RIC8B: variants seen among roughly 807,000 people sequenced by gnomAD.
The protein encoded by RIC8B is chaperone Ric-8B.
Under a neutral mutation model 57.5 loss-of-function variants are expected in RIC8B, and 16 were observed. The ratio of observed to expected loss-of-function variants is 0.28; its 90% CI spans 0.19 to 0.42. The LOEUF is 0.42. Among genes scored for constraint, RIC8B ranks in the 10% least tolerant of loss-of-function variants. The probability of loss-of-function intolerance (pLI) is 1.00; values close to 1 mark genes in which losing one functional copy is unlikely to be tolerated. For missense variants in RIC8B, 481 were observed against 677.0 expected, an observed-to-expected ratio of 0.71 and a Z score of 3.21; for synonymous variants, 216 against 250.8, an observed-to-expected ratio of 0.86 and a Z score of 1.31.
Position 106,879,910 on chromosome 12 carries a change from GTCT to G in RIC8B, c.1572-5992_1572-5990del, listed in dbSNP as rs1318974082. ...CACTGTACTTTTTGATACGAGGGCA[GTCT>G]TAACTTGTGTTAAGGCCTGTGTGTA... On this transcript the variant is annotated intron_variant, in intron 9 of 9. Coordinates refer to ENST00000392837, the MANE Select transcript of RIC8B (RefSeq NM_001330145.2). The surrounding 1 kb of genome is among the most constrained non-coding windows in gnomAD (Gnocchi z 4.9). 5.0e-5 allele frequency: 49 copies of G among 985,312 alleles called. No homozygotes were observed. Among genetic ancestry groups the G allele is most frequent in the Non-Finnish European group, 1.2e-5 (10 of 829,936 alleles). 61.0% of individuals were successfully genotyped at this position (985,312 alleles called of 1,614,324 possible). A position where few individuals can be genotyped will look rare whatever the true frequency, so the allele number is the denominator to read the frequency against.
intron 6 of RIC8B, among the ~76,000 whole-genome samples, chr12:106,845,112 A>G (rs1949126732): frequency 6.6e-6 from 1 of 152,098 alleles, no homozygotes. Flanking sequence ...CTTTCCATAC[A>G]TCTCTAACTA....
At chr12:106,850,863 T>C (rs1171347264) in intron 6 of RIC8B, among the ~76,000 whole-genome samples, 1 of 152,152 alleles carries the variant, frequency 6.6e-6, no homozygotes, top group African/African-American at 2.4e-5. Flanking sequence ...ACCAACATGA[T>C]GCTCAAAGGA....
chr12:106,790,682 A>G (rs1265919549), intron 2 of RIC8B, among the ~76,000 whole-genome samples: 1 of 152,256 alleles, frequency 6.6e-6, no homozygotes, highest in Non-Finnish European at 1.5e-5. Flanking sequence ...CAAAACCAAT[A>G]AAGAGTACTA....
In RIC8B at chr12:106,845,297, C is replaced by G. The variant is rs1168713788; in HGVS notation, c.1161+1350C>G. Among the ~76,000 whole-genome samples, 3 of 150,936 alleles carry G rather than the reference C, an allele frequency of 2.0e-5. No homozygotes were observed. In the East Asian group the frequency reaches 5.8e-4, roughly 29 times the overall value. On this transcript the variant is annotated intron_variant, in intron 6 of 9. Transcript: ENST00000392837. Reference sequence around the variant, plus strand: ...TAAGACCACCAGCCCCAACCGGTTCCTTAGCAAACTCCAAGATGACTATTT... The same window carrying G: ...TAAGACCACCAGCCCCAACCGGTTCGTTAGCAAACTCCAAGATGACTATTT...
chr12:106,785,476 A>G (rs1261477465), intron 2 of RIC8B, among the ~76,000 whole-genome samples: 1 of 152,190 alleles, frequency 6.6e-6, no homozygotes. Flanking sequence ...TTAATTATAT[A>G]TCTGTTGATG....
intron 4 of RIC8B, among the ~76,000 whole-genome samples, chr12:106,838,883 C>T (rs986793372): frequency 3.3e-5 from 5 of 150,126 alleles, no homozygotes; most frequent in Non-Finnish European, 5.9e-5. Context: ...ATTTAACCAA[C>T]GAAGACATGC....
At chr12:106,803,214 TCAAAAAAA>T (rs1461928004) in intron 2 of RIC8B, among the ~76,000 whole-genome samples, 2 of 84,276 alleles carry the variant, frequency 2.4e-5, no homozygotes, top group African/African-American at 1.0e-4. Context: ...ATACCCTGTC[TCAAAAAAA>T]AAAAAAAAAA....
chr12:106,786,141 ATTTTT>A (rs893618675), intron 2 of RIC8B, among the ~76,000 whole-genome samples: 1 of 73,884 alleles, frequency 1.4e-5, no homozygotes, highest in Non-Finnish European at 2.6e-5. Flanking sequence ...CCCAAGGTGT[ATTTTT>A]TTTTTTTTTT....
At chr12:106,863,720 C>A (rs897077520) in intron 8 of RIC8B, among the ~76,000 whole-genome samples, 2 of 151,962 alleles carry the variant, frequency 1.3e-5, no homozygotes, top group African/African-American at 4.8e-5. Context: ...ATTCAGAGTT[C>A]TAAAAGACCA....
intron 2 of RIC8B, among the ~76,000 whole-genome samples, chr12:106,791,589 AC>A (rs2044262147): frequency 6.6e-6 from 1 of 152,184 alleles, no homozygotes; most frequent in South Asian, 2.1e-4. Flanking sequence ...CATTTCAAAT[AC>A]TTTTTTCTTT....
chr12:106,882,848 G>A (rs1214537960), intron 9 of RIC8B, among the ~76,000 whole-genome samples: 1 of 152,018 alleles, frequency 6.6e-6, no homozygotes, highest in African/African-American at 2.4e-5. Flanking sequence ...TTGATACAAA[G>A]CACCCAGAAA....
intron 2 of RIC8B, among the ~76,000 whole-genome samples, chr12:106,788,107 A>G (rs2044114145): frequency 6.6e-6 from 1 of 152,212 alleles, no homozygotes; most frequent in African/African-American, 2.4e-5. Flanking sequence ...AAATTGACCA[A>G]AACAAAGGGG....
intron 9 of RIC8B, among the ~76,000 whole-genome samples, chr12:106,884,479 T>TA (rs1445970211): frequency 6.6e-6 from 1 of 152,146 alleles, no homozygotes; most frequent in Non-Finnish European, 1.5e-5. Context: ...TAAGTGACCT[T>TA]GGATGAGTCA....
chr12:106,864,266 G>A (rs903364760), intron 8 of RIC8B, among the ~76,000 whole-genome samples: 17 of 152,028 alleles, frequency 1.1e-4, no homozygotes, highest in Non-Finnish European at 1.8e-4. Context: ...GGTTTTTTTA[G>A]TTAATGAAGA....
rs368706746 is a variant in RIC8B at position 106,860,284 on chromosome 12, A to G, written c.1323A>G (p.Lys441=). 5.6e-6 allele frequency: 9 copies of G among 1,593,726 alleles called. No individual in the cohort carries two copies. The highest frequency in any genetic ancestry group is 4.1e-5 in the African/African-American group (3 of 73,488). ...TTTTTGCAGTGGATAGTCTGCTGAA[A>G]TACACTGGCTATGGGAATGCTGCAG... The part of the protein sequence containing the change: ...LCKERVDSLL[K]YTGYGNAAGL... The change falls in exon 8 of 10, where the codon AAA becomes AAG. Residue 441 remains lysine (K), a synonymous_variant. Coordinates refer to ENST00000392837, the MANE Select transcript of RIC8B (RefSeq NM_001330145.2).
intron 1 of RIC8B, among the ~76,000 whole-genome samples, chr12:106,782,090 C>G (rs1200854613): frequency 6.6e-6 from 1 of 151,866 alleles, no homozygotes; most frequent in Non-Finnish European, 1.5e-5. Context: ...AACAATGAGT[C>G]TTCTTTTTAA....
rs1460354635 is a variant in RIC8B at position 106,784,081 on chromosome 12, G to A, written c.132+37G>A. 4 of 1,565,416 alleles carry A rather than the reference G, an allele frequency of 2.6e-6. No homozygotes were observed. The South Asian group carries it at 4.5e-5, about 18-fold the overall frequency. On this transcript the variant is annotated intron_variant, in intron 2 of 9. Transcript: ENST00000392837. Reference sequence around the variant, plus strand: ...TGTTGCTCTGTGAATGTTTATGTGTGTGTGTATTGCATTCATGGACTTTCT... The same window carrying A: ...TGTTGCTCTGTGAATGTTTATGTGTATGTGTATTGCATTCATGGACTTTCT...
At chr12:106,862,735 G>A (rs1213929911) in intron 8 of RIC8B, among the ~76,000 whole-genome samples, 1 of 152,094 alleles carries the variant, frequency 6.6e-6, no homozygotes, top group Non-Finnish European at 1.5e-5. Flanking sequence ...ACTTTAAGTG[G>A]ATTCTGATTA....
At chr12:106,852,550 G>A (rs1352778820) in intron 7 of RIC8B, among the ~76,000 whole-genome samples, 1 of 152,112 alleles carries the variant, frequency 6.6e-6, no homozygotes, top group African/African-American at 2.4e-5. Context: ...GAATTGAGAG[G>A]TATCATGTGC....
Sources: allele counts gnomAD v4.1 joint callset (sites outside exome capture counted in the v4.1 genomes callset), GRCh38; gene constraint gnomAD v4.1.1; non-coding constraint Gnocchi (gnomAD v3.1); transcripts MANE v1.5; gene names NCBI Gene and HGNC (gene_info 2026-07-23, HGNC 2026-07-21).